Variants in ZNF263 observed in about 807,000 individuals in gnomAD.
ZNF263 encodes zinc finger protein FPM315.
In ZNF263, 49 loss-of-function variants were observed where a neutral mutation model predicts 63.1. The observed-to-expected ratio is 0.78, with a 90% CI of 0.62 to 0.99. The LOEUF is 0.99. Among genes scored for constraint, ZNF263 ranks in the 50% least tolerant of loss-of-function variants. The pLI, the probability that ZNF263 is intolerant of heterozygous loss-of-function variation, is 0.00. For missense variants in ZNF263, 872 were observed against 854.8 expected, an observed-to-expected ratio of 1.02 and a Z score of -0.25; for synonymous variants, 352 against 324.2, an observed-to-expected ratio of 1.09 and a Z score of -0.92.
At chr16:3,299,336 AT>A in intron 2 of ZNF263, 1 of 1,591,396 alleles carries the variant, frequency 6.3e-7, no homozygotes, top group East Asian at 2.3e-5. Context: ...AACTCCCCAC[AT>A]TTTTCAAGAA....
At chr16:3,293,974 G>A (rs2150776049), downstream of ZNF263, among the ~76,000 whole-genome samples, 1 of 152,368 alleles carries the variant, frequency 6.6e-6, no homozygotes, top group East Asian at 1.9e-4. Flanking sequence ...CACCCAGGCT[G>A]GAGTGCAGTG....
chr16:3,301,249 C>G (rs1007358902), exon 3 of ZNF263: 1 of 167,050 alleles, frequency 6.0e-6, no homozygotes, highest in Non-Finnish European at 1.5e-5. Context: ...ATAAGGGCTC[C>G]GAGCTACAGG....
rs753672721 is a variant in ZNF263, at chr16:3,288,454, A to T, written c.770A>T (p.Glu257Val). 35 of 1,604,498 alleles carry T rather than the reference A, an allele frequency of 2.2e-5. No homozygotes were observed. The South Asian group carries it at 3.0e-4, about 14-fold the overall frequency. Residue 257 changes from glutamate (E) to valine (V), a missense_variant and splice_region_variant, in exon 5 of 6, where the codon GAG becomes GTG. Glu to Val is a moderately radical substitution (Grantham distance 121). Coordinates refer to ENST00000219069, the MANE Select transcript of ZNF263 (RefSeq NM_005741.5). ...QESYENVDSLESHIPSQEVPG... is the reference protein window; with the variant it reads ...QESYENVDSLVSHIPSQEVPG... ...AATCTGTTTCTTTCATTGTGAACAG[A>T]GTCTCACATTCCCAGTCAGGAGGTC...
chr16:3,289,368 G>C, intron 5 of ZNF263, 25 bp from the exon 6 acceptor site: 1 of 1,506,008 alleles, frequency 6.6e-7, no homozygotes, highest in Non-Finnish European at 8.9e-7. Context: ...ATAATGTACG[G>C]GTTTGGTTTC....
At chr16:3,299,957 C>A in intron 2 of ZNF263, 1 of 1,613,656 alleles carries the variant, frequency 6.2e-7, no homozygotes, top group Non-Finnish European at 8.5e-7. Context: ...TTATGAGTTC[C>A]GTCTGCATTT....
At chr16:3,295,767 A>G (rs951152382), downstream of ZNF263, among the ~76,000 whole-genome samples, 3 of 152,254 alleles carry the variant, frequency 2.0e-5, no homozygotes, top group African/African-American at 4.8e-5. Context: ...CTGAAGAGGC[A>G]GAGTCAACGC....
chr16:3,295,405 G>A (rs145905940), downstream of ZNF263, among the ~76,000 whole-genome samples: 1 of 152,136 alleles, frequency 6.6e-6, no homozygotes, highest in Non-Finnish European at 1.5e-5. Context: ...CCCTTCCAGC[G>A]TTCCCGCCCG....
intron 2 of ZNF263, chr16:3,299,355 A>G (rs200487251): frequency 1.3e-6 from 2 of 1,591,268 alleles, no homozygotes; most frequent in Non-Finnish European, 1.7e-6. Flanking sequence ...GAATTTCTCT[A>G]TAATCCCCAT....
chr16:3,287,405 C>CTTTTT (rs34751211), intron 4 of ZNF263, among the ~76,000 whole-genome samples: 71 of 97,860 alleles, frequency 7.3e-4, no homozygotes, highest in African/African-American at 1.7e-3. Context: ...CACACCCGGC[C>CTTTTT]TTTTTTTTTT....
At chr16:3,296,767 A>C (rs1959757091) in intron 1 of ZNF263, among the ~76,000 whole-genome samples, 1 of 149,008 alleles carries the variant, frequency 6.7e-6, no homozygotes, top group Admixed American at 6.7e-5. Context: ...CACTTACAGC[A>C]ACAACAAACC....
At chr16:3,291,920 C>T (rs1406684082), downstream of ZNF263, among the ~76,000 whole-genome samples, 3 of 152,162 alleles carry the variant, frequency 2.0e-5, no homozygotes, top group South Asian at 4.2e-4. Flanking sequence ...GGAGATGGCG[C>T]AATTATTAAG....
At chr16:3,285,636 A>C in intron 2 of ZNF263, 45 bp from the exon 3 acceptor site, 1 of 1,594,502 alleles carries the variant, frequency 6.3e-7, no homozygotes, top group African/African-American at 1.3e-5. Context: ...TTGGGTTGCC[A>C]AGAGTTAGGA....
Position 3,291,032 on chromosome 16 carries a change from G to A in ZNF263, c.*474G>A. 1 of 995,954 alleles carries A rather than the reference G, an allele frequency of 1.0e-6. No individual in the cohort carries two copies. The highest frequency in any genetic ancestry group is 1.2e-6 in the Non-Finnish European group (1 of 834,950). The allele number at this position is 995,954 out of a possible 1,614,324, so 61.7% of individuals were successfully genotyped here. A position where few individuals can be genotyped will look rare whatever the true frequency, so the allele number is the denominator to read the frequency against. ...TCAGCTGAAGGTCAACAAAAGACTG[G>A]TTGTGAGTTGCAGCTGTCCCGAAGG... On this transcript the variant is annotated 3_prime_UTR_variant, in exon 6 of 6. Coordinates refer to ENST00000219069, the MANE Select transcript of ZNF263 (RefSeq NM_005741.5).
chr16:3,285,945 T>C, intron 3 of ZNF263, 78 bp from the exon 4 acceptor site: 1 of 1,610,196 alleles, frequency 6.2e-7, no homozygotes, highest in Non-Finnish European at 8.5e-7. Flanking sequence ...ATCCCTGGAT[T>C]TTGCCCCTTT....
Position 3,288,514 on chromosome 16 carries a change from G to A in ZNF263, c.830G>A (p.Trp277Ter). The A allele has an allele frequency of 6.2e-7, 1 of 1,613,046 alleles. No homozygotes were observed. The highest frequency in any genetic ancestry group is 8.5e-7 in the Non-Finnish European group (1 of 1,179,488). ...GTQVGQGGKL[W>*]DPSVQSCKEG... ...CAGGTGGGACAAGGAGGAAAGCTAT[G>A]GGATCCCAGTGTCCAGAGCTGCAAG... Residue 277 changes from tryptophan to a stop codon, truncating the protein, a stop_gained, in exon 5 of 6, where the codon TGG (tryptophan) becomes TAG (stop). Coordinates refer to ENST00000219069, the MANE Select transcript of ZNF263 (RefSeq NM_005741.5). LOFTEE classifies it high-confidence loss of function.
Position 3,284,090 on chromosome 16 carries a change from C to G in ZNF263, c.272C>G (p.Thr91Ser). Residue 91 changes from threonine to serine, a missense_variant, in exon 1 of 6, where the codon ACC becomes AGC. Coordinates refer to ENST00000219069, the MANE Select transcript of ZNF263 (RefSeq NM_005741.5). ...LELLVLEQFL[T>S]ILPQEIQSRV... ...CTGCTGGTGTTAGAGCAGTTCCTGA[C>G]CATCCTGCCCCAGGAGATCCAGAGC... 1 of 1,613,310 alleles carries G rather than the reference C, an allele frequency of 6.2e-7. No homozygotes were observed. The highest frequency in any genetic ancestry group is 8.5e-7 in the Non-Finnish European group (1 of 1,179,532).
Position 3,285,143 on chromosome 16 carries a change from C to T in ZNF263, c.472C>T (p.Leu158=). The change falls in exon 2 of 6, where the codon CTG becomes TTG. Residue 158 remains leucine, a synonymous_variant. Coordinates refer to ENST00000219069, the MANE Select transcript of ZNF263 (RefSeq NM_005741.5). ...AGCACGAGAGTCACCGAGCTTCAAGCTGGAGCCAATGGAGACTGAGCGAAG... is the reference window on the plus strand; with the variant it reads ...AGCACGAGAGTCACCGAGCTTCAAGTTGGAGCCAATGGAGACTGAGCGAAG... ...ETARESPSFK[L]EPMETERSPG... 1 of 1,614,148 alleles carries T rather than the reference C, an allele frequency of 6.2e-7. No homozygotes were observed. Among genetic ancestry groups the T allele is most frequent in the South Asian group, 1.1e-5 (1 of 91,082 alleles).
chr16:3,286,409 C>G (rs934524983), intron 4 of ZNF263: 41 of 326,090 alleles, frequency 1.3e-4, no homozygotes, highest in Admixed American at 1.1e-3. Flanking sequence ...GCAGAGCAAA[C>G]CCAATGCGGT....
chr16:3,300,668 T>G, intron 2 of ZNF263: 1 of 1,518,236 alleles, frequency 6.6e-7, no homozygotes, highest in Non-Finnish European at 8.8e-7. Flanking sequence ...AAAGCCTTAA[T>G]GAATTGGCAA....
Sources: gnomAD v4.1 joint callset for allele counts (sites outside exome capture counted in the v4.1 genomes callset) on GRCh38, gnomAD v4.1.1 for gene constraint, MANE v1.5 for transcripts, NCBI Gene and HGNC (gene_info 2026-07-23, HGNC 2026-07-21) for gene names.